NKAIN2: variants seen among roughly 807,000 people sequenced by gnomAD.
NKAIN2 encodes the protein sodium/potassium transporting ATPase interacting 2.
In NKAIN2, 14 loss-of-function variants were observed where a neutral mutation model predicts 32.6. The observed-to-expected ratio is 0.43, with a 90% CI of 0.28 to 0.67. NKAIN2 has a LOEUF of 0.67. Ranked by LOEUF, NKAIN2 falls within the 30% of genes least tolerant of loss-of-function variation. NKAIN2 has a pLI of 0.17. For missense variants in NKAIN2, 198 were observed against 258.3 expected, an observed-to-expected ratio of 0.77 and a Z score of 1.60; for synonymous variants, 80 against 87.2, an observed-to-expected ratio of 0.92 and a Z score of 0.46.
intron 1 of NKAIN2, among the ~76,000 whole-genome samples, chr6:123,818,624 G>C (rs962215247): frequency 6.6e-6 from 1 of 152,046 alleles, no homozygotes; most frequent in Non-Finnish European, 1.5e-5. Flanking sequence ...ATTTCCTTCG[G>C]TAACACTTTT....
At chr6:124,807,845 A>G (rs1380791973) in intron 5 of NKAIN2, among the ~76,000 whole-genome samples, 2 of 150,900 alleles carry the variant, frequency 1.3e-5, no homozygotes, top group African/African-American at 2.4e-5. Context: ...GTCAGAGAAT[A>G]CTACAAACAC....
intron 3 of NKAIN2, among the ~76,000 whole-genome samples, chr6:124,408,040 G>T (rs978079659): frequency 1.3e-5 from 2 of 152,090 alleles, no homozygotes; most frequent in African/African-American, 4.8e-5. Context: ...TTTTGATGGG[G>T]TTGTTTGTTT....
intron 4 of NKAIN2, among the ~76,000 whole-genome samples, chr6:124,667,009 G>A (rs183099593): frequency 6.6e-6 from 1 of 152,190 alleles, no homozygotes; most frequent in Admixed American, 6.5e-5. Flanking sequence ...AACTCACAGT[G>A]ACATACAAAA....
chr6:124,608,715 A>C (rs1290661971), intron 3 of NKAIN2, among the ~76,000 whole-genome samples: 1 of 152,172 alleles, frequency 6.6e-6, no homozygotes, highest in Non-Finnish European at 1.5e-5. Flanking sequence ...TAAACACTGC[A>C]CCTGACAAAT....
intron 3 of NKAIN2, among the ~76,000 whole-genome samples, chr6:124,475,031 G>C (rs1053556787): frequency 2.6e-5 from 4 of 151,056 alleles, no homozygotes; most frequent in Non-Finnish European, 5.9e-5. Context: ...GGGTTCCTTT[G>C]ACTCAACCGG....
chr6:124,745,629 G>A (rs1179062584), intron 4 of NKAIN2, among the ~76,000 whole-genome samples: 1 of 151,788 alleles, frequency 6.6e-6, no homozygotes, highest in African/African-American at 2.4e-5. Context: ...TGAGATCTCT[G>A]TTTAACCACC....
chr6:124,180,680 A>T (rs1258217121), intron 1 of NKAIN2, among the ~76,000 whole-genome samples: 1 of 152,200 alleles, frequency 6.6e-6, no homozygotes, highest in Non-Finnish European at 1.5e-5. Flanking sequence ...CATCTGAGAC[A>T]AGGCAAGTCC....
intron 1 of NKAIN2, among the ~76,000 whole-genome samples, chr6:124,040,058 T>C (rs1781797037): frequency 6.6e-6 from 1 of 151,948 alleles, no homozygotes; most frequent in Non-Finnish European, 1.5e-5. Context: ...TTATTACAAG[T>C]GGTTTGTTTC....
intron 1 of NKAIN2, among the ~76,000 whole-genome samples, chr6:123,908,470 T>G (rs1775001493): frequency 6.6e-6 from 1 of 152,198 alleles, no homozygotes; most frequent in South Asian, 2.1e-4. Flanking sequence ...TCGAATAGAT[T>G]GCTTAGTAAA....
intron 1 of NKAIN2, among the ~76,000 whole-genome samples, chr6:123,809,868 G>C (rs1773383280): frequency 6.6e-6 from 1 of 152,056 alleles, no homozygotes; most frequent in Non-Finnish European, 1.5e-5. Context: ...TACCCTTTCA[G>C]CTAGTTGTGG....
intron 4 of NKAIN2, among the ~76,000 whole-genome samples, chr6:124,709,427 C>T (rs1218248172): frequency 2.0e-5 from 3 of 151,508 alleles, no homozygotes; most frequent in Non-Finnish European, 4.4e-5. Context: ...CCAGTTCCTC[C>T]TTGTACCTCT....
intron 4 of NKAIN2, among the ~76,000 whole-genome samples, chr6:124,707,783 G>C (rs370981889): frequency 4.1e-4 from 63 of 151,816 alleles, no homozygotes; most frequent in African/African-American, 1.5e-3. Flanking sequence ...TTCTCCCATT[G>C]TGTAGGTTGC....
At chr6:124,588,614 G>C (rs375306839) in intron 3 of NKAIN2, among the ~76,000 whole-genome samples, 1 of 152,078 alleles carries the variant, frequency 6.6e-6, no homozygotes, top group Non-Finnish European at 1.5e-5. Flanking sequence ...AATTTGGTGA[G>C]CTATGGTAAA....
At chr6:124,006,186 A>G (rs1350717269) in intron 1 of NKAIN2, among the ~76,000 whole-genome samples, 1 of 152,196 alleles carries the variant, frequency 6.6e-6, no homozygotes, top group African/African-American at 2.4e-5. Context: ...TGCACTTTCT[A>G]TAGCGTCTTT....
intron 3 of NKAIN2, among the ~76,000 whole-genome samples, chr6:124,581,092 G>T (rs1318445872): frequency 1.3e-5 from 2 of 152,190 alleles, no homozygotes; most frequent in South Asian, 2.1e-4. Flanking sequence ...AATAGCTGGA[G>T]TTTTCAGCAC....
chr6:124,210,549 T>C (rs1347959814), intron 1 of NKAIN2, among the ~76,000 whole-genome samples: 1 of 151,856 alleles, frequency 6.6e-6, no homozygotes. Context: ...TTGGCTCTTT[T>C]AACCCATGAA....
intron 1 of NKAIN2, among the ~76,000 whole-genome samples, chr6:123,831,742 G>T (rs563652215): frequency 1.3e-5 from 2 of 149,256 alleles, no homozygotes; most frequent in African/African-American, 5.0e-5. Context: ...TGCAAGCTCC[G>T]CCTCCCGGGT....
chr6:124,475,708 A>T (rs187216862), intron 3 of NKAIN2, among the ~76,000 whole-genome samples: 62 of 152,214 alleles, frequency 4.1e-4, no homozygotes, highest in Admixed American at 2.6e-3. Context: ...GATAATTTTA[A>T]CCAGATTATG....
At chr6:124,711,435 C>G (rs1267832495) in intron 4 of NKAIN2, among the ~76,000 whole-genome samples, 1 of 150,056 alleles carries the variant, frequency 6.7e-6, no homozygotes, top group African/African-American at 2.5e-5. Flanking sequence ...GTTCCATTCT[C>G]CCCATCACTT....
Sources: allele counts gnomAD v4.1 joint callset (sites outside exome capture counted in the v4.1 genomes callset), GRCh38; gene constraint gnomAD v4.1.1; transcripts MANE v1.5; gene names NCBI Gene and HGNC (gene_info 2026-07-23, HGNC 2026-07-21).